Variants in HACL1 observed in about 807,000 individuals in gnomAD.
HACL1 encodes 1600020H07Rik.
In HACL1, 64 loss-of-function variants were observed where a neutral mutation model predicts 74.2. The observed-to-expected ratio is 0.86, with a 90% CI of 0.70 to 1.06. The LOEUF is 1.06. HACL1 is among the 50% of genes least tolerant of loss of function. The pLI is 0.00. For synonymous variants in HACL1, 230 were observed against 238.8 expected (o/e 0.96, Z 0.34); for missense variants, 728 against 719.7 (o/e 1.01, Z -0.13).
At position 15,586,520 on chromosome 3, in the gene HACL1, T is replaced by C; in HGVS notation, c.459+5A>G. ...ACTTGGAGAGCTTGTTATTAAATAC[T>C]GTACCTTTTCAATAACAAAAGGAAT... is the stretch of plus-strand genomic sequence containing the variant. On this transcript the variant is annotated splice_donor_5th_base_variant and intron_variant, in intron 6 of 16. Coordinates refer to ENST00000321169, the MANE Select transcript of HACL1 (RefSeq NM_012260.4). The C allele has an allele frequency of 1.3e-6, 2 of 1,507,102 alleles. No homozygotes were observed. The highest frequency in any genetic ancestry group is 2.3e-5 in the East Asian group (1 of 44,174). The allele number at this position is 1,507,102 out of a possible 1,614,324, so 93.4% of individuals were successfully genotyped here.
intron 14 of HACL1, among the ~76,000 whole-genome samples, chr3:15,566,217 G>A (rs950110449): frequency 1.3e-5 from 2 of 152,066 alleles, no homozygotes; most frequent in African/African-American, 4.8e-5. Flanking sequence ...AGAATAGAAT[G>A]GTTTTACTAC....
intron 12 of HACL1, among the ~76,000 whole-genome samples, chr3:15,570,584 A>G (rs113832136): frequency 5.1e-4 from 76 of 147,904 alleles, no homozygotes; most frequent in African/African-American, 1.9e-3. Context: ...ACACAAAACA[A>G]TAAAAAAAAA....
intron 16 of HACL1, among the ~76,000 whole-genome samples, chr3:15,562,352 G>A (rs538963588): frequency 1.3e-5 from 2 of 152,114 alleles, no homozygotes; most frequent in South Asian, 2.1e-4. Context: ...CTCATCACTA[G>A]GTTTCTTGAG....
At chr3:15,593,125 A>T (rs998246894) in intron 3 of HACL1, among the ~76,000 whole-genome samples, 21 of 134,348 alleles carry the variant, frequency 1.6e-4, no homozygotes, top group Non-Finnish European at 1.5e-5. Flanking sequence ...ATACACACAC[A>T]TACGTATATA....
chr3:15,577,260 G>A (rs139386560), intron 9 of HACL1, among the ~76,000 whole-genome samples: 1 of 152,210 alleles, frequency 6.6e-6, no homozygotes, highest in East Asian at 1.9e-4. Flanking sequence ...CAAGGTGGAA[G>A]GATCACTTGA....
Position 15,573,302 on chromosome 3 carries a change from G to A in HACL1, c.910-60C>T, listed in dbSNP as rs553404900. On this transcript the variant is annotated intron_variant, in intron 10 of 16. Coordinates refer to ENST00000321169, the MANE Select transcript of HACL1 (RefSeq NM_012260.4). ...TTTATTCTGAAAAATATGTAAGAAGGCAATTACGATTGAATAAATGAACTG... is the reference window on the plus strand; with the variant it reads ...TTTATTCTGAAAAATATGTAAGAAGACAATTACGATTGAATAAATGAACTG... 6.5e-5 allele frequency: 62 copies of A among 948,366 alleles called. No individual in the cohort carries two copies. The African/African-American group carries it at 7.4e-4, about 11-fold the overall frequency. 58.7% of individuals were successfully genotyped at this position (948,366 alleles called of 1,614,324 possible).
chr3:15,599,924 C>G (rs1472913995), intron 2 of HACL1, among the ~76,000 whole-genome samples: 1 of 152,110 alleles, frequency 6.6e-6, no homozygotes, highest in Non-Finnish European at 1.5e-5. Flanking sequence ...AGTATAGGTT[C>G]CATTCATAGG....
At chr3:15,592,065 C>CACACA (rs1559560695) in intron 3 of HACL1, among the ~76,000 whole-genome samples, 3 of 15,952 alleles carry the variant, frequency 1.9e-4, no homozygotes, top group African/African-American at 4.0e-4. Flanking sequence ...CGTATATATA[C>CACACA]GTATATACGT....
chr3:15,577,846 C>A (rs1311011758), intron 9 of HACL1, among the ~76,000 whole-genome samples: 1 of 151,714 alleles, frequency 6.6e-6, no homozygotes, highest in Non-Finnish European at 1.5e-5. Context: ...CACCTGTAAT[C>A]CCAGCACTTT....
At chr3:15,577,965 G>C (rs899003746) in intron 9 of HACL1, among the ~76,000 whole-genome samples, 4 of 151,810 alleles carry the variant, frequency 2.6e-5, no homozygotes, top group African/African-American at 9.7e-5. Context: ...GGGTGTGGTG[G>C]CAGGCGCCTG....
At chr3:15,568,944 A>G (rs923986655) in intron 12 of HACL1, among the ~76,000 whole-genome samples, 9 of 152,256 alleles carry the variant, frequency 5.9e-5, no homozygotes, top group African/African-American at 2.2e-4. Context: ...CTCTTAGGAA[A>G]ACGGTGCCTT....
rs1224059365 is a variant in HACL1, at chr3:15,567,830, G to A, written c.1409+14C>T. 1 of 1,608,292 alleles carries A rather than the reference G, an allele frequency of 6.2e-7. No homozygotes were observed. The highest frequency in any genetic ancestry group is 1.3e-5 in the African/African-American group (1 of 74,838). On this transcript the variant is annotated intron_variant, in intron 14 of 16. Coordinates refer to ENST00000321169, the MANE Select transcript of HACL1 (RefSeq NM_012260.4). ...CTAGAGAATCAAATGCTCTGATTCAGGATGATGTTTTACCTGCAGATGGTT... is the reference window on the plus strand; with the variant it reads ...CTAGAGAATCAAATGCTCTGATTCAAGATGATGTTTTACCTGCAGATGGTT...
At chr3:15,573,292 AT>A in intron 10 of HACL1, 50 bp from the exon 11 acceptor site, 1 of 1,057,028 alleles carries the variant, frequency 9.5e-7, no homozygotes, top group Non-Finnish European at 1.5e-6. Context: ...TCTGAAAAAT[AT>A]GTAAGAAGGC....
chr3:15,578,494 C>G (rs570907249), intron 9 of HACL1, among the ~76,000 whole-genome samples: 1 of 152,194 alleles, frequency 6.6e-6, no homozygotes, highest in Non-Finnish European at 1.5e-5. Context: ...TGTTTTGTCT[C>G]CTGGCTTTGA....
At chr3:15,564,379 A>G (rs1003204789) in intron 15 of HACL1, among the ~76,000 whole-genome samples, 172 bp downstream of exon 15, 1 of 152,238 alleles carries the variant, frequency 6.6e-6, no homozygotes, top group Non-Finnish European at 1.5e-5. Context: ...CTAATCATGG[A>G]TATTTGTGCA....
chr3:15,597,623 A>G (rs1344917613), intron 2 of HACL1, among the ~76,000 whole-genome samples: 1 of 134,268 alleles, frequency 7.4e-6, no homozygotes, highest in Non-Finnish European at 1.6e-5. Flanking sequence ...CATTAACGAC[A>G]TAAATGTGGA....
intron 15 of HACL1, among the ~76,000 whole-genome samples, chr3:15,564,108 C>A (rs114738541): frequency 2.6e-5 from 4 of 152,328 alleles, no homozygotes; most frequent in African/African-American, 9.6e-5. Context: ...TCACATTCTA[C>A]GGCCAGCTAC....
At chr3:15,586,333 T>G (rs1472025103) in intron 6 of HACL1, among the ~76,000 whole-genome samples, 192 bp downstream of exon 6, 15 of 152,186 alleles carry the variant, frequency 9.9e-5, no homozygotes, top group Admixed American at 6.5e-5. Flanking sequence ...AAAAATAACT[T>G]ATTTTACCTC....
intron 4 of HACL1, 109 bp from the exon 5 acceptor site, chr3:15,589,721 A>G: frequency 3.9e-6 from 3 of 761,010 alleles, no homozygotes; most frequent in African/African-American, 1.7e-5. Context: ...GGGAGAGAAT[A>G]TTATATTTTT....
Sources: gnomAD v4.1 joint callset for allele counts (sites outside exome capture counted in the v4.1 genomes callset) on GRCh38, gnomAD v4.1.1 for gene constraint, MANE v1.5 for transcripts, NCBI Gene and HGNC (gene_info 2026-07-23, HGNC 2026-07-21) for gene names.